The following PLAGL1 variants were observed in gnomAD, a reference collection of about 807,000 sequenced individuals.
The protein encoded by PLAGL1 is PLAG1 like zinc finger 1.
PLAGL1 carries 1 observed loss-of-function variant against 4.6 expected under a neutral mutation model. The ratio of observed to expected loss-of-function variants is 0.22; its 90% CI spans 0.08 to 1.03. The LOEUF is 1.03. Ranked by LOEUF, PLAGL1 falls within the 50% of genes least tolerant of loss-of-function variation. The probability of loss-of-function intolerance (pLI) is 0.58; values close to 1 mark genes in which losing one functional copy is unlikely to be tolerated. For synonymous variants in PLAGL1, 240 were observed against 237.8 expected (o/e 1.01, Z -0.08); for missense variants, 464 against 570.4 (o/e 0.81, Z 1.90).
rs555742645 is a variant in PLAGL1 at position 144,029,696 on chromosome 6, G to A, written c.-151+34772C>T. Reference sequence around the variant, plus strand: ...TCTCATCTCTCACATATTGCTGATCGGAGTAGAAACTGGTACAGCCTTATG... The same window carrying A: ...TCTCATCTCTCACATATTGCTGATCAGAGTAGAAACTGGTACAGCCTTATG... On this transcript the variant is annotated intron_variant, in intron 1 of 3. Transcript: ENST00000437412. 1.1e-4 allele frequency among the ~76,000 whole-genome samples: 16 copies of A among 152,298 alleles called. No homozygotes were observed. The South Asian group carries it at 3.1e-3, about 30-fold the overall frequency.
intron 1 of PLAGL1, among the ~76,000 whole-genome samples, chr6:144,031,715 A>G (rs1466268795): frequency 6.6e-6 from 1 of 152,094 alleles, no homozygotes; most frequent in Non-Finnish European, 1.5e-5. Context: ...CTATGTACCT[A>G]TTTTTATACC....
chr6:144,019,666 A>G (rs1311881771), intron 1 of PLAGL1, among the ~76,000 whole-genome samples: 1 of 152,100 alleles, frequency 6.6e-6, no homozygotes, highest in Admixed American at 6.6e-5. Flanking sequence ...TTTAACCTCA[A>G]TCGGTTCAGC....
chr6:143,963,871 T>C lies in PLAGL1; in HGVS notation c.-399+916A>G, dbSNP rs1030914772. The stretch of plus-strand genomic sequence containing the variant: ...AATTTTACTTTGTTTGAATTCCCAA[T>C]GATTCTCCTTTCTAGCTCATTTAAA... On this transcript the variant is annotated intron_variant, in intron 5 of 7. Transcript: ENST00000674357. The surrounding 1 kb of genome is among the most constrained non-coding windows in gnomAD (Gnocchi z 6.1). 6.6e-6 allele frequency among the ~76,000 whole-genome samples: 1 copy of C among 152,232 alleles called. No individual in the cohort carries two copies. The highest frequency in any genetic ancestry group is 1.5e-5 in the Non-Finnish European group (1 of 68,028).
chr6:143,952,667 G>A lies in PLAGL1; in HGVS notation c.-324-4207C>T, dbSNP rs1207580905. Among the ~76,000 whole-genome samples the A allele has an allele frequency of 1.3e-5, 2 of 152,194 alleles. No homozygotes were observed. Among genetic ancestry groups the A allele is most frequent in the Non-Finnish European group, 2.9e-5 (2 of 68,030 alleles). ...AGGGGGGAGTCAGAACACAACTGTA[G>A]TTCCAGGACTTCTCCAGTGCTACAT... On this transcript the variant is annotated intron_variant, in intron 6 of 7. Coordinates refer to ENST00000674357, the MANE Select transcript of PLAGL1 (RefSeq NM_001317162.2). The surrounding 1 kb of genome is among the most constrained non-coding windows in gnomAD (Gnocchi z 6.1).
intron 2 of PLAGL1, among the ~76,000 whole-genome samples, chr6:143,974,865 A>G (rs144419975): frequency 2.0e-5 from 3 of 152,352 alleles, no homozygotes; most frequent in Non-Finnish European, 4.4e-5. Context: ...CATTTCTATA[A>G]ATCAAATTGT....
In PLAGL1 at chr6:143,949,391, C is replaced by G. The variant is rs763632470; in HGVS notation, c.-324-931G>C. Among the ~76,000 whole-genome samples, 2 of 152,188 alleles carry G rather than the reference C, an allele frequency of 1.3e-5. No homozygotes were observed. Among genetic ancestry groups the G allele is most frequent in the African/African-American group, 2.4e-5 (1 of 41,436 alleles). ...CTGAGCCTGCATCATGAACAATACT[C>G]CACTTACTAGGGTGGCTTTCCACCC... On this transcript the variant is annotated intron_variant, in intron 6 of 7. Transcript: ENST00000674357. This position sits in a 1 kb window ranked among gnomAD's most constrained non-coding sequence, Gnocchi z 5.3.
chr6:143,996,221 C>G (rs966617501), intron 1 of PLAGL1, among the ~76,000 whole-genome samples: 6 of 152,172 alleles, frequency 3.9e-5, no homozygotes, highest in African/African-American at 1.4e-4. Context: ...CCCATTACTA[C>G]AGGGCACGCT....
At position 143,962,044 on chromosome 6, in the gene PLAGL1, T is replaced by C. The variant is rs193015724; in HGVS notation, c.-398-1502A>G. On this transcript the variant is annotated intron_variant, in intron 5 of 7. Transcript: ENST00000674357. The surrounding 1 kb of genome is among the most constrained non-coding windows in gnomAD (Gnocchi z 5.3). ...AGGAGCTTATTCTTAAGCTGTTCAA[T>C]GTAAGCAGCACTCGTGAAAGAGGAG... 6.6e-6 allele frequency among the ~76,000 whole-genome samples: 1 copy of C among 152,322 alleles called. No individual in the cohort carries two copies. The highest frequency in any genetic ancestry group is 2.4e-5 in the African/African-American group (1 of 41,560).
Position 144,036,542 on chromosome 6 carries a change from C to T in PLAGL1, c.-151+27926G>A, listed in dbSNP as rs1475258597. 2 of 173,096 alleles carry T rather than the reference C, an allele frequency of 1.2e-5. No individual in the cohort carries two copies. Among genetic ancestry groups the T allele is most frequent in the East Asian group, 1.9e-4 (1 of 5,380 alleles). 10.7% of individuals were successfully genotyped at this position (173,096 alleles called of 1,614,324 possible). A position where few individuals can be genotyped will look rare whatever the true frequency, so the allele number is the denominator to read the frequency against. ...CAATTACTGCCGCGTGACAGGACTC[C>T]AGTCCTGGGGCTGCTACCGGGTGCA... On this transcript the variant is annotated intron_variant, in intron 1 of 3. Transcript: ENST00000437412. The surrounding 1 kb of genome is among the most constrained non-coding windows in gnomAD (Gnocchi z 5.1).
At chr6:144,058,851 A>G (rs1257248392) in intron 1 of PLAGL1, among the ~76,000 whole-genome samples, 1 of 152,116 alleles carries the variant, frequency 6.6e-6, no homozygotes, top group African/African-American at 2.4e-5. Flanking sequence ...TGCATGGTAC[A>G]GCCCCTGCAG....
chr6:144,023,448 G>A (rs1288934519), intron 1 of PLAGL1, among the ~76,000 whole-genome samples: 2 of 152,112 alleles, frequency 1.3e-5, no homozygotes, highest in African/African-American at 4.8e-5. Flanking sequence ...CTAATGTACG[G>A]CATAAACTCA....
rs1006482043 is a variant in PLAGL1, at chr6:144,061,025, AG to A, written c.-151+3442del. Among the ~76,000 whole-genome samples the A allele has an allele frequency of 2.0e-5, 3 of 152,216 alleles. No individual in the cohort carries two copies. The highest frequency in any genetic ancestry group is 2.0e-4 in the Admixed American group (3 of 15,274). The stretch of plus-strand genomic sequence containing the variant: ...ACCATTTCTCTCCCCTGCCCCCAAA[AG>A]GAGACCTCCACTTATAAGCCTCAGA... On this transcript the variant is annotated intron_variant, in intron 1 of 3. Coordinates refer to the PLAGL1 transcript ENST00000437412. The surrounding 1 kb of genome is among the most constrained non-coding windows in gnomAD (Gnocchi z 4.4).
upstream of PLAGL1, among the ~76,000 whole-genome samples, chr6:144,009,165 G>T (rs1182564826): frequency 6.6e-6 from 1 of 152,162 alleles, no homozygotes; most frequent in Non-Finnish European, 1.5e-5. Context: ...CCTACCTTTA[G>T]GGGGTAACCC....
In PLAGL1 at chr6:143,975,664, A is replaced by T. The variant is rs1786355582; in HGVS notation, c.-543-6686T>A. 6.6e-6 allele frequency among the ~76,000 whole-genome samples: 1 copy of T among 152,194 alleles called. No homozygotes were observed. Among genetic ancestry groups the T allele is most frequent in the African/African-American group, 2.4e-5 (1 of 41,460 alleles). On this transcript the variant is annotated intron_variant, in intron 2 of 7. Transcript: ENST00000674357. This position sits in a 1 kb window ranked among gnomAD's most constrained non-coding sequence, Gnocchi z 5.8. ...GTTTAGCCTTCAAATCTAGGATTTT[A>T]TGGGGGACAACTAATGAACCAAGAT...
rs1778872350 is a variant in PLAGL1, at chr6:143,942,567, G to A, written c.249C>T (p.Thr83=). 1.2e-6 allele frequency: 2 copies of A among 1,614,086 alleles called. No individual in the cohort carries two copies. Among genetic ancestry groups the A allele is most frequent in the African/African-American group, 1.3e-5 (1 of 75,032 alleles). ...CAAAGGCCATTTTGTTGGGGTCGTGGGTCTGGAGGTGGTTTTTCAGGTGGT... is the reference window on the plus strand; with the variant it reads ...CAAAGGCCATTTTGTTGGGGTCGTGAGTCTGGAGGTGGTTTTTCAGGTGGT... ...RKDHLKNHLQ[T]HDPNKMAFGC... The change falls in exon 8 of 8, where the codon ACC becomes ACT. Residue 83 remains threonine (T), a synonymous_variant. Transcript: ENST00000674357. This position sits in a 1 kb window ranked among gnomAD's most constrained non-coding sequence, Gnocchi z 7.6.
chr6:143,981,179 A>G (rs1252211595), intron 2 of PLAGL1, among the ~76,000 whole-genome samples: 11 of 138,360 alleles, frequency 8.0e-5, no homozygotes, highest in Admixed American at 7.4e-4. Context: ...ATTTTGCCTC[A>G]TCGCTGAAGC....
At position 144,059,859 on chromosome 6, in the gene PLAGL1, A is replaced by G. The variant is rs946512371; in HGVS notation, c.-151+4609T>C. Among the ~76,000 whole-genome samples the G allele has an allele frequency of 6.6e-6, 1 of 152,106 alleles. No individual in the cohort carries two copies. The highest frequency in any genetic ancestry group is 2.4e-5 in the African/African-American group (1 of 41,412). ...AGCCTTGAGGTCCATTTTGGGAGATAACCTCAAGGTTATTAGTACCTTTAC... is the reference window on the plus strand; with the variant it reads ...AGCCTTGAGGTCCATTTTGGGAGATGACCTCAAGGTTATTAGTACCTTTAC... On this transcript the variant is annotated intron_variant, in intron 1 of 3. Transcript: ENST00000437412. This position sits in a 1 kb window ranked among gnomAD's most constrained non-coding sequence, Gnocchi z 4.9.
intron 1 of PLAGL1, among the ~76,000 whole-genome samples, chr6:144,054,281 A>G (rs189721310): frequency 2.8e-4 from 43 of 152,372 alleles, no homozygotes; most frequent in African/African-American, 9.4e-4. Context: ...CTTATGCAAG[A>G]AAAACAATGT....
At chr6:144,051,888 C>T (rs1798608456) in intron 1 of PLAGL1, among the ~76,000 whole-genome samples, 1 of 152,212 alleles carries the variant, frequency 6.6e-6, no homozygotes, top group South Asian at 2.1e-4. Flanking sequence ...ACTCCCACGA[C>T]ATGTGGGAAT....
Sources: allele counts gnomAD v4.1 joint callset (sites outside exome capture counted in the v4.1 genomes callset), GRCh38; gene constraint gnomAD v4.1.1; non-coding constraint Gnocchi (gnomAD v3.1); transcripts MANE v1.5; gene names NCBI Gene and HGNC (gene_info 2026-07-23, HGNC 2026-07-21).